Variants in HMGXB3 observed in about 807,000 individuals in gnomAD.
The protein encoded by HMGXB3 is HMG-box containing 3.
In HMGXB3, 45 loss-of-function variants were observed where a neutral mutation model predicts 121.5. The ratio of observed to expected loss-of-function variants is 0.37; its 90% confidence interval spans 0.29 to 0.47. The LOEUF (loss-of-function observed/expected upper bound fraction) is 0.47, where lower values mean the gene tolerates loss of function less well. HMGXB3 is among the 20% of genes least tolerant of loss of function. The pLI is 0.99. For missense variants in HMGXB3, 1,376 were observed against 1,602.2 expected, an observed-to-expected ratio of 0.86 and a Z score of 2.41; for synonymous variants, 590 against 624.1, an observed-to-expected ratio of 0.95 and a Z score of 0.81.
chr5:150,005,868 T>A (rs1755689944), intron 2 of HMGXB3, among the ~76,000 whole-genome samples: 1 of 152,162 alleles, frequency 6.6e-6, no homozygotes, highest in African/African-American at 2.4e-5. Context: ...TTGAGGAAGC[T>A]TTCCCTGAGA....
chr5:150,014,969 A>G (rs1755927078), intron 5 of HMGXB3: 2 of 952,360 alleles, frequency 2.1e-6, no homozygotes, highest in Non-Finnish European at 2.9e-6. Context: ...AAATGGGAAA[A>G]TTTCAAGCAG....
At chr5:150,049,378 CAG>C (rs1482752272) in intron 18 of HMGXB3, among the ~76,000 whole-genome samples, 2 of 151,388 alleles carry the variant, frequency 1.3e-5, no homozygotes, top group Non-Finnish European at 2.9e-5. Flanking sequence ...TACTAGATGA[CAG>C]AGTGGGCCCA....
At chr5:150,036,557 T>C (rs1424700991) in intron 11 of HMGXB3, 79 bp from the exon 12 acceptor site, 3 of 1,319,716 alleles carry the variant, frequency 2.3e-6, no homozygotes, top group South Asian at 1.5e-5. Context: ...TGTCTGCTGC[T>C]CCCAGACTTT....
chr5:150,015,478 G>C (rs1276633574), intron 5 of HMGXB3, among the ~76,000 whole-genome samples: 1 of 152,070 alleles, frequency 6.6e-6, no homozygotes, highest in African/African-American at 2.4e-5. Context: ...GCAGAGATGG[G>C]GGTCTCTCTG....
In HMGXB3 at chr5:150,053,119, TATTAA is replaced by T. The variant is rs1443970351; in HGVS notation, c.*932_*936del. The T allele has an allele frequency of 5.3e-6, 1 of 188,146 alleles. No homozygotes were observed. The highest frequency in any genetic ancestry group is 8.5e-5 in the East Asian group (1 of 11,770). The allele number at this position is 188,146 out of a possible 1,614,324, so 11.7% of individuals were successfully genotyped here. On this transcript the variant is annotated 3_prime_UTR_variant, in exon 20 of 20. Transcript: ENST00000502717. ...CTCTTCCCCCAACAAGAATAAAGTT[TATTAA>T]ATTATCTGGTTTTGGTGTAGCAGGA...
intron 7 of HMGXB3, among the ~76,000 whole-genome samples, chr5:150,025,699 C>T (rs1756213254): frequency 6.6e-6 from 1 of 152,130 alleles, no homozygotes; most frequent in South Asian, 2.1e-4. Context: ...TCTGGAGTAG[C>T]TGGGACTACA....
At position 150,026,763 on chromosome 5, in the gene HMGXB3, C is replaced by G; in HGVS notation, c.1518C>G (p.Gly506=). 1.3e-6 allele frequency: 2 copies of G among 1,551,386 alleles called. No homozygotes were observed. Among genetic ancestry groups the G allele is most frequent in the Non-Finnish European group, 1.7e-6 (2 of 1,146,896 alleles). The part of the protein sequence containing the change: ...RAPELKGRAR[G]KPSLLAAARP... ...CAGAGCTTAAAGGCAGAGCACGGGG[C>G]AAGCCCTCATTACTGGCTGCAGCAA... Residue 506 remains glycine, a synonymous_variant, in exon 8 of 20, where the codon GGC becomes GGG. Transcript: ENST00000502717.
In HMGXB3 at chr5:150,047,676, T is replaced by C; in HGVS notation, c.3003T>C (p.Asp1001=). ...TCCAGGAGGGCACCTGCAAGCTTGA[T>C]GAGATTGGCTCCTACAGTGAAGAGA... ...RLLQEGTCKL[D]EIGSYSEEKL... Residue 1001 remains aspartate, a synonymous_variant, in exon 17 of 20, where the codon GAT becomes GAC. Transcript: ENST00000502717. The C allele has an allele frequency of 1.3e-6, 2 of 1,551,736 alleles. No individual in the cohort carries two copies. Among genetic ancestry groups the C allele is most frequent in the Non-Finnish European group, 1.7e-6 (2 of 1,146,984 alleles).
At chr5:150,050,171 G>A (rs1296577057) in intron 18 of HMGXB3, 81 bp from the exon 19 acceptor site, 21 of 1,240,154 alleles carry the variant, frequency 1.7e-5, no homozygotes, top group Admixed American at 4.0e-5. Context: ...CATCTTCCTG[G>A]GAAGAAGCGA....
At chr5:150,051,073 T>TTTTTTTTA (rs1756876411) in intron 19 of HMGXB3, among the ~76,000 whole-genome samples, 1 of 152,182 alleles carries the variant, frequency 6.6e-6, no homozygotes, top group Non-Finnish European at 1.5e-5. Flanking sequence ...TATCCAACCC[T>TTTTTTTTA]CTCCTTTTAT....
At chr5:150,045,162 A>G (rs1054143362) in intron 15 of HMGXB3, among the ~76,000 whole-genome samples, 16 of 152,358 alleles carry the variant, frequency 1.1e-4, no homozygotes, top group African/African-American at 3.8e-4. Context: ...CATAACAGGT[A>G]CTCAAATGGT....
chr5:150,018,333 G>A (rs1183575873), intron 5 of HMGXB3, among the ~76,000 whole-genome samples: 1 of 152,160 alleles, frequency 6.6e-6, no homozygotes, highest in African/African-American at 2.4e-5. Context: ...CATTCTTCTG[G>A]TACCTAACTG....
At chr5:150,020,164 G>A (rs1402785067) in intron 6 of HMGXB3, among the ~76,000 whole-genome samples, 1 of 152,186 alleles carries the variant, frequency 6.6e-6, no homozygotes, top group East Asian at 1.9e-4. Flanking sequence ...AATCCTCAGT[G>A]AATGTCCTGC....
At chr5:150,001,971 T>A (rs1267543458) in intron 1 of HMGXB3, among the ~76,000 whole-genome samples, 1 of 152,236 alleles carries the variant, frequency 6.6e-6, no homozygotes, top group Non-Finnish European at 1.5e-5. Flanking sequence ...TTTGAACTAC[T>A]GCTTCCCTTA....
chr5:150,034,760 G>A (rs1756463256), intron 11 of HMGXB3, among the ~76,000 whole-genome samples: 1 of 152,148 alleles, frequency 6.6e-6, no homozygotes, highest in Admixed American at 6.5e-5. Flanking sequence ...GGAGCCCCCT[G>A]GTAGCCAGAT....
chr5:150,052,450 A>C lies in HMGXB3; in HGVS notation c.*258A>C. On this transcript the variant is annotated 3_prime_UTR_variant, in exon 20 of 20. Transcript: ENST00000502717. ...GCACTTGGGGGACACGGTATGTTTA[A>C]TGGAGGGGAGGCTGAGGGAAAGGCT... The C allele has an allele frequency of 4.3e-6, 2 of 466,872 alleles. No individual in the cohort carries two copies. The highest frequency in any genetic ancestry group is 3.6e-5 in the East Asian group (1 of 27,948). The allele number at this position is 466,872 out of a possible 1,614,324, so 28.9% of individuals were successfully genotyped here. A position where few individuals can be genotyped will look rare whatever the true frequency, so the allele number is the denominator to read the frequency against.
chr5:150,015,124 G>A, intron 5 of HMGXB3: 4 of 343,050 alleles, frequency 1.2e-5, no homozygotes, highest in Non-Finnish European at 2.1e-5. Flanking sequence ...CATCCAGTCT[G>A]TGAACCAGCA....
chr5:150,029,539 C>A (rs981251030), intron 9 of HMGXB3, among the ~76,000 whole-genome samples: 2 of 152,124 alleles, frequency 1.3e-5, no homozygotes, highest in South Asian at 2.1e-4. Flanking sequence ...GCCCAGTAAA[C>A]ATATATACTA....
intron 6 of HMGXB3, 118 bp downstream of exon 6, chr5:150,018,815 G>A: frequency 2.2e-6 from 2 of 925,458 alleles, no homozygotes; most frequent in Non-Finnish European, 3.1e-6. Flanking sequence ...GACTATACAA[G>A]TAAATCATTT....
Sources: gnomAD v4.1 joint callset for allele counts (sites outside exome capture counted in the v4.1 genomes callset) on GRCh38, gnomAD v4.1.1 for gene constraint, MANE v1.5 for transcripts, NCBI Gene and HGNC (gene_info 2026-07-23, HGNC 2026-07-21) for gene names.